Variants in TTLL13 observed in about 807,000 individuals in gnomAD.
TTLL13 encodes tubulin tyrosine ligase like 13.
the TTLL13 span, among the ~76,000 whole-genome samples, chr15:90,252,576 A>C: frequency 6.6e-6 from 1 of 152,222 alleles, no homozygotes. Flanking sequence ...AACAATCTCC[A>C]GCTAGGTCCT....
chr15:90,253,486 G>T, the TTLL13 span: 2 of 574,916 alleles, frequency 3.5e-6, no homozygotes, highest in Non-Finnish European at 6.0e-6. Context: ...GTGCAGACAA[G>T]AAAGACCACC....
chr15:90,258,510 A>C, the TTLL13 span: 1 of 614,350 alleles, frequency 1.6e-6, no homozygotes. Context: ...GCCCTAATGT[A>C]AGTCTTTAGG....
the TTLL13 span, chr15:90,262,944 TTA>T: frequency 6.5e-7 from 1 of 1,531,070 alleles, no homozygotes; most frequent in South Asian, 1.2e-5. Context: ...GATCCTGCAT[TTA>T]TCTCTCATGT....
At chr15:90,262,839 C>A in the TTLL13 span, 1 of 1,270,332 alleles carries the variant, frequency 7.9e-7, no homozygotes, top group South Asian at 1.6e-5. Flanking sequence ...GAATGGACAG[C>A]AAAAGGAACC....
chr15:90,261,083 CTT>C, the TTLL13 span, among the ~76,000 whole-genome samples: 9 of 140,854 alleles, frequency 6.4e-5, no homozygotes, highest in Admixed American at 1.4e-4. Flanking sequence ...TTCTTGTTTT[CTT>C]TTTTTTTTTT....
the TTLL13 span, chr15:90,255,744 C>T: frequency 6.2e-7 from 1 of 1,614,136 alleles, no homozygotes; most frequent in East Asian, 2.2e-5. Flanking sequence ...TACTAACTGG[C>T]TGTGTTTCAG....
At chr15:90,253,196 AG>A in the TTLL13 span, 1 of 1,483,254 alleles carries the variant, frequency 6.7e-7, no homozygotes, top group Non-Finnish European at 9.4e-7. Context: ...ACACAGTTCC[AG>A]GGCTTGTTGC....
the TTLL13 span, among the ~76,000 whole-genome samples, chr15:90,261,075 CTTG>C: frequency 6.0e-5 from 9 of 150,010 alleles, no homozygotes; most frequent in East Asian, 1.8e-3. Flanking sequence ...ACCTTTTTTT[CTTG>C]TTTTCTTTTT....
At chr15:90,250,228 G>C in the TTLL13 span, among the ~76,000 whole-genome samples, 3 of 152,076 alleles carry the variant, frequency 2.0e-5, no homozygotes, top group African/African-American at 7.2e-5. Context: ...CAACGTGCTG[G>C]GCCGATTCAG....
At chr15:90,253,648 G>A in the TTLL13 span, among the ~76,000 whole-genome samples, 2 of 152,156 alleles carry the variant, frequency 1.3e-5, no homozygotes, top group African/African-American at 4.8e-5. Context: ...TCCAGGGTGG[G>A]TGAGCACATC....
the TTLL13 span, chr15:90,265,305 T>C: frequency 1.6e-5 from 19 of 1,209,730 alleles, no homozygotes; most frequent in African/African-American, 2.9e-4. Context: ...AATGAGCCCC[T>C]TTCCCAGAGA....
At chr15:90,258,267 G>C in the TTLL13 span, 499 of 1,614,102 alleles carry the variant, frequency 3.1e-4, 2 homozygotes, top group African/African-American at 6.2e-3. Context: ...CTGGCTGCTA[G>C]AGGTGAGGAT....
chr15:90,251,415 C>T, the TTLL13 span: 48 of 871,236 alleles, frequency 5.5e-5, no homozygotes, highest in African/African-American at 5.2e-4. Flanking sequence ...TGAGCCACCG[C>T]GCCCAGCCCA....
chr15:90,263,262 G>A, the TTLL13 span: 1 of 958,938 alleles, frequency 1.0e-6, no homozygotes, highest in Non-Finnish European at 1.5e-6. Context: ...TGGAGCCTGG[G>A]AAAGCAGAGT....
At chr15:90,258,455 G>A in the TTLL13 span, 1 of 649,432 alleles carries the variant, frequency 1.5e-6, no homozygotes, top group Non-Finnish European at 2.6e-6. Flanking sequence ...AAATCTTGGT[G>A]GTTTTTGGCC....
the TTLL13 span, chr15:90,258,631 C>T: frequency 1.2e-5 from 11 of 927,980 alleles, no homozygotes; most frequent in African/African-American, 3.3e-5. Flanking sequence ...CCAGCCTCCC[C>T]GGCTGAGGCC....
At chr15:90,252,564 A>G in the TTLL13 span, among the ~76,000 whole-genome samples, 1 of 152,198 alleles carries the variant, frequency 6.6e-6, no homozygotes, top group Non-Finnish European at 1.5e-5. Context: ...ATTAAGAAAA[A>G]AAACAATCTC....
the TTLL13 span, chr15:90,265,226 C>T: frequency 7.5e-7 from 1 of 1,337,128 alleles, no homozygotes; most frequent in African/African-American, 1.5e-5. Context: ...AAGCCTTAGC[C>T]TGGGTTTATC....
chr15:90,253,705 G>A, the TTLL13 span, among the ~76,000 whole-genome samples: 2 of 152,188 alleles, frequency 1.3e-5, no homozygotes, highest in Non-Finnish European at 2.9e-5. Flanking sequence ...AGCAGGGCCA[G>A]TTGAATGATC....
Sources: allele counts gnomAD v4.1 joint callset (sites outside exome capture counted in the v4.1 genomes callset), GRCh38; gene constraint gnomAD v4.1.1; transcripts MANE v1.5; gene names NCBI Gene and HGNC (gene_info 2026-07-23, HGNC 2026-07-21).